The following MAX variants were observed in gnomAD, a reference collection of about 807,000 sequenced individuals.
MAX encodes the protein MYC associated transcriptional regulator X.
In MAX, 3 loss-of-function variants were observed where a neutral mutation model predicts 22.3. The ratio of observed to expected loss-of-function variants is 0.13; its 90% CI spans 0.06 to 0.35. The LOEUF (loss-of-function observed/expected upper bound fraction) is 0.35, where lower values mean the gene tolerates loss of function less well. Ranked by LOEUF, MAX falls within the 10% of genes least tolerant of loss-of-function variation. MAX has a pLI of 1.00. For missense variants in MAX, 119 were observed against 209.4 expected (o/e 0.57, Z 2.66); for synonymous variants, 72 against 77.7 (o/e 0.93, Z 0.39).
rs1248671984 is a variant in MAX at position 65,093,135 on chromosome 14, A to AT, written c.171+572dup. On this transcript the variant is annotated intron_variant, in intron 3 of 4. Coordinates refer to ENST00000358664, the MANE Select transcript of MAX (RefSeq NM_002382.5). The surrounding 1 kb of genome is among the most constrained non-coding windows in gnomAD (Gnocchi z 4.4). ...CAGAAGGGAGTGGGGAAGAATGGTT[A>AT]TTTTTTTTCTGTTTCACATGAACAT... is the stretch of plus-strand genomic sequence containing the variant. Among the ~76,000 whole-genome samples the AT allele has an allele frequency of 1.3e-5, 2 of 151,986 alleles. No individual in the cohort carries two copies. Among genetic ancestry groups the AT allele is most frequent in the African/African-American group, 2.4e-5 (1 of 41,378 alleles).
chr14:65,009,970 A>G lies in MAX; in HGVS notation c.172-3686T>C, dbSNP rs2061658550. 2.0e-5 allele frequency among the ~76,000 whole-genome samples: 3 copies of G among 152,290 alleles called. No individual in the cohort carries two copies. The highest frequency in any genetic ancestry group is 6.5e-5 in the Admixed American group (1 of 15,302). ...GTGCTGGACAACACTCTGCCCACACAGATGGGTGCTCCCTGCGTCCTGAGT... is the reference window on the plus strand; with the variant it reads ...GTGCTGGACAACACTCTGCCCACACGGATGGGTGCTCCCTGCGTCCTGAGT... On this transcript the variant is annotated intron_variant, in intron 3 of 3. Transcript: ENST00000341653. The surrounding 1 kb of genome is among the most constrained non-coding windows in gnomAD (Gnocchi z 4.2).
At chr14:65,018,829 G>T (rs1357548464) in intron 3 of MAX, among the ~76,000 whole-genome samples, 2 of 121,946 alleles carry the variant, frequency 1.6e-5, no homozygotes, top group Admixed American at 7.9e-5. Flanking sequence ...AAAAAAAAAA[G>T]GCCAGGCGCG....
Position 65,093,499 on chromosome 14 carries a change from T to C in MAX, c.171+209A>G. ...ATAACTCCTACCATTATCTCACAAA[T>C]AGCTCCATTATATCTGACATATTTT... On this transcript the variant is annotated intron_variant, in intron 3 of 4. Coordinates refer to ENST00000358664, the MANE Select transcript of MAX (RefSeq NM_002382.5). This position sits in a 1 kb window ranked among gnomAD's most constrained non-coding sequence, Gnocchi z 4.4. 1.7e-6 allele frequency: 1 copy of C among 587,360 alleles called. No individual in the cohort carries two copies. The highest frequency in any genetic ancestry group is 3.0e-6 in the Non-Finnish European group (1 of 328,106). 36.4% of individuals were successfully genotyped at this position (587,360 alleles called of 1,614,324 possible). A position where few individuals can be genotyped will look rare whatever the true frequency, so the allele number is the denominator to read the frequency against.
downstream of MAX, chr14:65,075,046 A>G: frequency 4.0e-6 from 4 of 1,009,112 alleles, no homozygotes; most frequent in Non-Finnish European, 4.7e-6. This position sits in a 1 kb window ranked among gnomAD's most constrained non-coding sequence, Gnocchi z 4.1. Context: ...TCAGACTTAC[A>G]TTGAGGCCCT....
At chr14:65,051,777 T>C (rs1173429015) in intron 3 of MAX, among the ~76,000 whole-genome samples, 1 of 152,014 alleles carries the variant, frequency 6.6e-6, no homozygotes, top group Non-Finnish European at 1.5e-5. Context: ...CCATAAACTT[T>C]TATAATTTTC....
rs143595505 is a variant in MAX, at chr14:65,044,588, C to T, written c.172-38304G>A. ...GAGTGCCCAGTGTGGAACCTCATGC[C>T]GTGGGGCATGCGAATGCAGAGTAAG... On this transcript the variant is annotated intron_variant, in intron 3 of 3. Coordinates refer to the MAX transcript ENST00000341653. This position sits in a 1 kb window ranked among gnomAD's most constrained non-coding sequence, Gnocchi z 5.5. 1,035 of 1,218,234 alleles carry T rather than the reference C, an allele frequency of 8.5e-4. 8 individuals carry two copies. The African/African-American group carries it at 0.013, about 16-fold the overall frequency. 75.5% of individuals were successfully genotyped at this position (1,218,234 alleles called of 1,614,324 possible). A position where few individuals can be genotyped will look rare whatever the true frequency, so the allele number is the denominator to read the frequency against.
At chr14:65,071,231 T>A (rs1304994323), downstream of MAX, among the ~76,000 whole-genome samples, 1 of 152,100 alleles carries the variant, frequency 6.6e-6, no homozygotes, top group Non-Finnish European at 1.5e-5. The surrounding 1 kb of genome is among the most constrained non-coding windows in gnomAD (Gnocchi z 4.2). Flanking sequence ...AACCTCTGCC[T>A]CCTGGGTTCA....
At chr14:65,040,604 CTTTTTTTTTTT>C (rs35890649) in intron 3 of MAX, among the ~76,000 whole-genome samples, 1 of 117,326 alleles carries the variant, frequency 8.5e-6, no homozygotes, top group African/African-American at 3.3e-5. Flanking sequence ...CCAGGCCCAG[CTTTTTTTTTTT>C]TTTTTTTTTG....
At position 65,049,084 on chromosome 14, in the gene MAX, G is replaced by A. The variant is rs112405374; in HGVS notation, c.172-42800C>T. On this transcript the variant is annotated intron_variant, in intron 3 of 3. Coordinates refer to the MAX transcript ENST00000341653. ...GGAGGTTGCAGTGAGCTGAGATCGC[G>A]CCGTTGCACTCCAGCCTGGGTAACA... is the stretch of plus-strand genomic sequence containing the variant. 4.5e-3 allele frequency among the ~76,000 whole-genome samples: 679 copies of A among 151,124 alleles called. 8 individuals are homozygous for A. The highest frequency in any genetic ancestry group is 0.04 in the East Asian group (204 of 5,138).
At position 65,031,785 on chromosome 14, in the gene MAX, G is replaced by A. The variant is rs918995343; in HGVS notation, c.172-25501C>T. Among the ~76,000 whole-genome samples, 3 of 152,102 alleles carry A rather than the reference G, an allele frequency of 2.0e-5. No homozygotes were observed. Among genetic ancestry groups the A allele is most frequent in the Non-Finnish European group, 4.4e-5 (3 of 68,010 alleles). ...AAAATAGAAAAATAAGCCAGGCATG[G>A]TGGCATGCGCCTGTAATCCCAGCTA... On this transcript the variant is annotated intron_variant, in intron 3 of 3. Transcript: ENST00000341653. This position sits in a 1 kb window ranked among gnomAD's most constrained non-coding sequence, Gnocchi z 4.6.
intron 3 of MAX, among the ~76,000 whole-genome samples, chr14:65,035,604 G>A (rs761064746): frequency 6.6e-6 from 1 of 151,790 alleles, no homozygotes; most frequent in Non-Finnish European, 1.5e-5. Context: ...ATCACAGCTC[G>A]CTGCAGCCAC....
chr14:65,014,900 T>A lies in MAX; in HGVS notation c.172-8616A>T, dbSNP rs1348225650. On this transcript the variant is annotated intron_variant, in intron 3 of 3. Coordinates refer to the MAX transcript ENST00000341653. The surrounding 1 kb of genome is among the most constrained non-coding windows in gnomAD (Gnocchi z 5.1). ...TGGCACAAGTAGATACTATCAAATA[T>A]TTGTTGAATCAGTGATTGAGTTAAG... Among the ~76,000 whole-genome samples the A allele has an allele frequency of 6.6e-6, 1 of 152,064 alleles. No homozygotes were observed. The highest frequency in any genetic ancestry group is 1.5e-5 in the Non-Finnish European group (1 of 67,998).
intron 1 of MAX, among the ~76,000 whole-genome samples, 199 bp downstream of exon 1, chr14:65,102,105 C>T (rs1418949976): frequency 1.3e-5 from 2 of 152,184 alleles, no homozygotes; most frequent in South Asian, 2.1e-4. Flanking sequence ...CTTCCCCCAA[C>T]CTCCAGTCCC....
At chr14:65,102,611 G>C, upstream of MAX, 1 of 1,360,924 alleles carries the variant, frequency 7.3e-7, no homozygotes, top group Non-Finnish European at 9.5e-7. Context: ...TGTAGTTCTT[G>C]TCCCTCTAAC....
Position 65,047,612 on chromosome 14 carries a change from C to T in MAX, c.172-41328G>A, listed in dbSNP as rs150137186. On this transcript the variant is annotated intron_variant, in intron 3 of 3. Coordinates refer to the MAX transcript ENST00000341653. The surrounding 1 kb of genome is among the most constrained non-coding windows in gnomAD (Gnocchi z 5.2). ...TTTTGGAGGGCAGTTTGGAGACATC[C>T]ATTTAAATTATAAGGGCACTTACCC... 2.0e-5 allele frequency among the ~76,000 whole-genome samples: 3 copies of T among 152,212 alleles called. No homozygotes were observed. In the East Asian group the frequency reaches 5.8e-4, roughly 29 times the overall value.
chr14:65,078,459 C>T lies in MAX; in HGVS notation c.172-423G>A, dbSNP rs2063119058. 6.6e-6 allele frequency among the ~76,000 whole-genome samples: 1 copy of T among 152,082 alleles called. No individual in the cohort carries two copies. The highest frequency in any genetic ancestry group is 2.1e-4 in the South Asian group (1 of 4,832). On this transcript the variant is annotated intron_variant, in intron 3 of 4. Transcript: ENST00000358664. This position sits in a 1 kb window ranked among gnomAD's most constrained non-coding sequence, Gnocchi z 6.4. ...CCTCAGGTGATCTGCCCACCTTGGC[C>T]TCCCAAAATGCTGGGATTATAGGTC...
At position 65,084,010 on chromosome 14, in the gene MAX, C is replaced by G; in HGVS notation, c.172-5974G>C. ...CAAAGGAGGCTGGAAGGTTGTAAGG[C>G]CAGAGTCAGCACAGACCCATGGCTC... On this transcript the variant is annotated intron_variant, in intron 3 of 4. Transcript: ENST00000358664. This position sits in a 1 kb window ranked among gnomAD's most constrained non-coding sequence, Gnocchi z 4.3. 6.6e-7 allele frequency: 1 copy of G among 1,520,700 alleles called. No individual in the cohort carries two copies. The highest frequency in any genetic ancestry group is 8.8e-7 in the Non-Finnish European group (1 of 1,134,180). The allele number at this position is 1,520,700 out of a possible 1,614,324, so 94.2% of individuals were successfully genotyped here.
At chr14:65,072,396 T>C (rs1463538908), downstream of MAX, among the ~76,000 whole-genome samples, 1 of 152,186 alleles carries the variant, frequency 6.6e-6, no homozygotes, top group Non-Finnish European at 1.5e-5. Context: ...CGTAGACTCA[T>C]CAAGGCAGCT....
At chr14:65,092,713 T>C (rs1200654774) in intron 3 of MAX, among the ~76,000 whole-genome samples, 1 of 152,192 alleles carries the variant, frequency 6.6e-6, no homozygotes, top group African/African-American at 2.4e-5. Context: ...AGATAAAGTA[T>C]AGAGGCCATA....
Sources: allele counts gnomAD v4.1 joint callset (sites outside exome capture counted in the v4.1 genomes callset), GRCh38; gene constraint gnomAD v4.1.1; non-coding constraint Gnocchi (gnomAD v3.1); transcripts MANE v1.5; gene names NCBI Gene and HGNC (gene_info 2026-07-23, HGNC 2026-07-21).